The following CSMD3 variants were observed in gnomAD, a reference collection of about 807,000 sequenced individuals.
CSMD3 encodes CUB and Sushi multiple domains 3.
Under a neutral mutation model 435.2 loss-of-function variants are expected in CSMD3, and 177 were observed. The ratio of observed to expected loss-of-function variants is 0.41; its 90% CI spans 0.36 to 0.46. The LOEUF is 0.46. Among genes scored for constraint, CSMD3 ranks in the 20% least tolerant of loss-of-function variants. The probability of loss-of-function intolerance (pLI) is 0.34; values close to 1 mark genes in which losing one functional copy is unlikely to be tolerated. For missense variants in CSMD3, 4,265 were observed against 4,504.6 expected (o/e 0.95, Z 1.52); for synonymous variants, 1,656 against 1,520.5 (o/e 1.09, Z -2.07).
chr8:113,048,953 T>C (rs2087960671), intron 5 of CSMD3, among the ~76,000 whole-genome samples: 1 of 152,140 alleles, frequency 6.6e-6, no homozygotes, highest in African/African-American at 2.4e-5. Context: ...AAGTCTCTTA[T>C]AGAAGTCAAA....
intron 22 of CSMD3, among the ~76,000 whole-genome samples, chr8:112,592,145 T>C (rs972905702): frequency 7.2e-5 from 11 of 152,008 alleles, no homozygotes. Context: ...TAACACTTTG[T>C]TCTTCAGAAA....
intron 18 of CSMD3, among the ~76,000 whole-genome samples, chr8:112,654,227 G>A (rs1363041133): frequency 2.6e-5 from 4 of 152,150 alleles, no homozygotes; most frequent in African/African-American, 4.8e-5. Context: ...TTTGAGGTTT[G>A]TGAATGGTTC....
In CSMD3 at chr8:112,405,729, T is replaced by C. The variant is rs576062421; in HGVS notation, c.5809+795A>G. On this transcript the variant is annotated intron_variant, in intron 35 of 70. Transcript: ENST00000297405. Reference sequence around the variant, plus strand: ...TATTTTTATACATATCTGTAACTAATAGAGTAAGAAAAAATTAATTCATAT... The same window carrying C: ...TATTTTTATACATATCTGTAACTAACAGAGTAAGAAAAAATTAATTCATAT... 2.6e-5 allele frequency among the ~76,000 whole-genome samples: 4 copies of C among 152,112 alleles called. No individual in the cohort carries two copies. The South Asian group carries it at 8.3e-4, about 32-fold the overall frequency.
At chr8:112,771,193 T>C (rs533821823) in intron 13 of CSMD3, among the ~76,000 whole-genome samples, 60 of 152,188 alleles carry the variant, frequency 3.9e-4, no homozygotes, top group African/African-American at 1.3e-3. Context: ...CATTCAATGT[T>C]AAAGTACCAA....
chr8:113,025,675 G>C (rs918243939), intron 5 of CSMD3, among the ~76,000 whole-genome samples: 4 of 152,106 alleles, frequency 2.6e-5, no homozygotes, highest in Non-Finnish European at 5.9e-5. Context: ...GTTGGCAGGG[G>C]AGTGGAGCCA....
At chr8:112,748,697 T>A (rs1245703240) in intron 13 of CSMD3, among the ~76,000 whole-genome samples, 1 of 152,220 alleles carries the variant, frequency 6.6e-6, no homozygotes, top group Non-Finnish European at 1.5e-5. Context: ...GGTATAATAT[T>A]GCAAGGTATA....
chr8:112,531,211 G>T (rs1825498026), intron 27 of CSMD3, among the ~76,000 whole-genome samples: 1 of 152,094 alleles, frequency 6.6e-6, no homozygotes, highest in African/African-American at 2.4e-5. Context: ...GATCCCCAAA[G>T]CCCCTGATTT....
intron 28 of CSMD3, among the ~76,000 whole-genome samples, chr8:112,510,766 A>G (rs925093986): frequency 1.3e-5 from 2 of 152,176 alleles, no homozygotes; most frequent in African/African-American, 2.4e-5. Context: ...TATTCCATTC[A>G]GGTGTCAGCA....
chr8:112,542,170 A>G (rs916117671), intron 27 of CSMD3, among the ~76,000 whole-genome samples: 1 of 151,462 alleles, frequency 6.6e-6, no homozygotes, highest in African/African-American at 2.4e-5. Context: ...TATAAAGGCC[A>G]TATATCAAAA....
At chr8:113,174,649 G>GA (rs922973770) in intron 3 of CSMD3, among the ~76,000 whole-genome samples, 6 of 151,666 alleles carry the variant, frequency 4.0e-5, no homozygotes, top group African/African-American at 7.2e-5. Flanking sequence ...ATTCAATTCA[G>GA]AAAAAATCCA....
At chr8:112,469,751 G>T (rs576120717) in intron 32 of CSMD3, among the ~76,000 whole-genome samples, 1 of 152,278 alleles carries the variant, frequency 6.6e-6, no homozygotes, top group African/African-American at 2.4e-5. Flanking sequence ...GTTCCTAACA[G>T]GCCAAGGACC....
At chr8:113,312,060 G>GA (rs939886700) in intron 2 of CSMD3, 2 of 151,886 alleles carry the variant, frequency 1.3e-5, no homozygotes, top group Admixed American at 1.3e-4. Flanking sequence ...ATACTGCTAA[G>GA]AAAAAATAGA....
chr8:112,299,238 T>A (rs572847478), intron 53 of CSMD3, among the ~76,000 whole-genome samples: 11 of 152,138 alleles, frequency 7.2e-5, no homozygotes, highest in South Asian at 2.1e-4. Flanking sequence ...ATAAGAAAAC[T>A]TTCTGAGGTA....
At chr8:112,885,050 G>T (rs11985079) in intron 10 of CSMD3, among the ~76,000 whole-genome samples, 9,289 of 151,650 alleles carry the variant, frequency 0.061, 959 homozygotes, top group African/African-American at 0.21. Flanking sequence ...ATCTCTAAAA[G>T]CTATCTTATT....
At chr8:113,228,169 A>G (rs915983667) in intron 3 of CSMD3, among the ~76,000 whole-genome samples, 1 of 151,536 alleles carries the variant, frequency 6.6e-6, no homozygotes, top group Non-Finnish European at 1.5e-5. Context: ...TTAAATAAAG[A>G]AGGTTTTCCT....
chr8:112,565,668 A>T (rs1829001880), intron 24 of CSMD3, among the ~76,000 whole-genome samples: 1 of 152,140 alleles, frequency 6.6e-6, no homozygotes, highest in African/African-American at 2.4e-5. Context: ...ATAAGAAAAC[A>T]TCTGAGCCCA....
At chr8:113,269,838 T>C (rs1030791383) in intron 3 of CSMD3, among the ~76,000 whole-genome samples, 1 of 152,000 alleles carries the variant, frequency 6.6e-6, no homozygotes. Context: ...ACTTAAATGT[T>C]AGACCTAAAA....
rs1292066640 is a variant in CSMD3, at chr8:113,028,433, CAT to C, written c.918-9256_918-9255del. Reference sequence around the variant, plus strand: ...AGTGTTCAAGTGAAAGGAAGAGTCACATGTCTCTCACTTTCAATCAAAAGCTA... The same window carrying C: ...AGTGTTCAAGTGAAAGGAAGAGTCACGTCTCTCACTTTCAATCAAAAGCTA... On this transcript the variant is annotated intron_variant, in intron 5 of 70. Coordinates refer to ENST00000297405, the MANE Select transcript of CSMD3 (RefSeq NM_198123.2). 1.3e-5 allele frequency among the ~76,000 whole-genome samples: 2 copies of C among 151,372 alleles called. 1 individual carries two copies. The highest frequency in any genetic ancestry group is 3.0e-5 in the Non-Finnish European group (2 of 67,674).
intron 45 of CSMD3, among the ~76,000 whole-genome samples, chr8:112,329,035 T>C (rs1183967836): frequency 1.3e-5 from 2 of 152,216 alleles, no homozygotes; most frequent in Non-Finnish European, 2.9e-5. Context: ...CTGGGATATC[T>C]GCTGCATTAT....
Sources: gnomAD v4.1 joint callset for allele counts (sites outside exome capture counted in the v4.1 genomes callset) on GRCh38, gnomAD v4.1.1 for gene constraint, MANE v1.5 for transcripts, NCBI Gene and HGNC (gene_info 2026-07-23, HGNC 2026-07-21) for gene names.